The following HCLS1 variants were observed in gnomAD, a reference collection of about 807,000 sequenced individuals.
HCLS1 encodes the protein hematopoietic cell-specific Lyn substrate 1.
In HCLS1, 44 loss-of-function variants were observed where a neutral mutation model predicts 68.6. The observed-to-expected ratio is 0.64, with a 90% confidence interval of 0.50 to 0.82. HCLS1 has a LOEUF of 0.82. Ranked by LOEUF, HCLS1 falls within the 40% of genes least tolerant of loss-of-function variation. HCLS1 has a pLI of 0.00. For missense variants in HCLS1, 602 were observed against 612.1 expected, an observed-to-expected ratio of 0.98 and a Z score of 0.17; for synonymous variants, 217 against 225.8, an observed-to-expected ratio of 0.96 and a Z score of 0.35.
intron 10 of HCLS1, among the ~76,000 whole-genome samples, chr3:121,633,561 G>A (rs1488660761): frequency 6.6e-6 from 1 of 151,240 alleles, no homozygotes; most frequent in Non-Finnish European, 1.5e-5. Context: ...CATTTTTTGA[G>A]ACAGGGTCTC....
intron 4 of HCLS1, among the ~76,000 whole-genome samples, chr3:121,645,252 T>C (rs1193715463): frequency 1.3e-5 from 2 of 152,168 alleles, no homozygotes; most frequent in African/African-American, 4.8e-5. Flanking sequence ...AAGAGCATTG[T>C]GCAGCAGAAC....
At position 121,633,105 on chromosome 3, in the gene HCLS1, G is replaced by C. The variant is rs989603224; in HGVS notation, c.970C>G (p.Pro324Ala). The change falls in exon 11 of 14, where the codon CCA (proline) becomes GCA (alanine). Residue 324 changes from proline to alanine, a missense_variant. Pro to Ala is a conservative substitution (Grantham distance 27). Coordinates refer to ENST00000314583, the MANE Select transcript of HCLS1 (RefSeq NM_005335.6). ...SEPVRTSREH[P>A]VPLLPIRQTL... ...TGCCTAATGGGCAGCAAGGGCACTG[G>C]GTGTTCCCTGCTGGTTCTCACAGGC... The C allele has an allele frequency of 1.2e-6, 2 of 1,613,148 alleles. No individual in the cohort carries two copies. The highest frequency in any genetic ancestry group is 1.7e-6 in the Non-Finnish European group (2 of 1,179,514).
At chr3:121,645,642 C>T (rs1382177354) in intron 4 of HCLS1, among the ~76,000 whole-genome samples, 1 of 151,804 alleles carries the variant, frequency 6.6e-6, no homozygotes, top group African/African-American at 2.4e-5. Context: ...TATCTTGGTT[C>T]TTATTTTCTG....
At chr3:121,657,928 T>A (rs1319818138) in intron 2 of HCLS1, 1 of 270,212 alleles carries the variant, frequency 3.7e-6, no homozygotes, top group African/African-American at 2.2e-5. Context: ...CTCCTACAGC[T>A]TTTTAATCCC....
chr3:121,632,534 AG>A lies in HCLS1; in HGVS notation c.1037del (p.Pro346LeufsTer109). On this transcript the variant is annotated frameshift_variant, in exon 12 of 14. Transcript: ENST00000314583. LOFTEE classifies it high-confidence loss of function. ...EDNEEPPALP[P>X]RTLEGLQVEE... ...CCACCTGGAGGCCTTCCAGAGTCCT[AG>A]GGGGCAGAGCTGGGGGCTCCTCATT... 6.2e-7 allele frequency: 1 copy of A among 1,613,066 alleles called. No individual in the cohort carries two copies. The highest frequency in any genetic ancestry group is 1.1e-5 in the South Asian group (1 of 91,012).
chr3:121,658,253 T>G lies in HCLS1; in HGVS notation c.84+11A>C, dbSNP rs756403060. 1 of 1,610,398 alleles carries G rather than the reference T, an allele frequency of 6.2e-7. No homozygotes were observed. Among genetic ancestry groups the G allele is most frequent in the Non-Finnish European group, 8.5e-7 (1 of 1,176,838 alleles). ...TCTGCACTGTCCAAGCAAAGCTACT[T>G]CCAAACTCACCACAAAGTCAGGATC... is the stretch of plus-strand genomic sequence containing the variant. On this transcript the variant is annotated intron_variant, in intron 2 of 13. Transcript: ENST00000314583.
chr3:121,634,355 C>A lies in HCLS1; in HGVS notation c.755G>T (p.Arg252Leu), dbSNP rs140445778. 3.1e-6 allele frequency: 5 copies of A among 1,614,126 alleles called. No individual in the cohort carries two copies. Among genetic ancestry groups the A allele is most frequent in the Non-Finnish European group, 3.4e-6 (4 of 1,179,972 alleles). Reference sequence around the variant, plus strand: ...CTGCTGTGCCTTCTCCTCTTCCTCTCGCTTCCTCTTCTCCTCAGCCATGGA... The same window carrying A: ...CTGCTGTGCCTTCTCCTCTTCCTCTAGCTTCCTCTTCTCCTCAGCCATGGA... ...FESMAEEKRKREEEEKAQQVA... is the reference protein window; with the variant it reads ...FESMAEEKRKLEEEEKAQQVA... The change falls in exon 10 of 14, where the codon CGA becomes CTA. Residue 252 changes from arginine to leucine, a missense_variant. Transcript: ENST00000314583.
chr3:121,633,653 T>C (rs1032274214), intron 10 of HCLS1, among the ~76,000 whole-genome samples: 3 of 152,194 alleles, frequency 2.0e-5, no homozygotes, highest in African/African-American at 7.2e-5. Flanking sequence ...TCCTCCTCTC[T>C]AAGCCTCCCA....
chr3:121,634,516 G>T, intron 9 of HCLS1, 98 bp from the exon 10 acceptor site: 2 of 1,134,532 alleles, frequency 1.8e-6, no homozygotes, highest in Non-Finnish European at 1.3e-6. Flanking sequence ...TAAATATCCG[G>T]GAGGAGGGAT....
intron 4 of HCLS1, among the ~76,000 whole-genome samples, chr3:121,646,364 T>G (rs61724320): frequency 0.23 from 22,968 of 98,840 alleles, 2,780 homozygotes; most frequent in East Asian, 0.47. Flanking sequence ...TTACATTATA[T>G]TACATATTAT....
Position 121,644,933 on chromosome 3 carries a change from G to T in HCLS1, c.289-5C>A. On this transcript the variant is annotated splice_region_variant and splice_polypyrimidine_tract_variant and intron_variant, in intron 4 of 13. Coordinates refer to ENST00000314583, the MANE Select transcript of HCLS1 (RefSeq NM_005335.6). ...ATACTCATGGCCCACTGCACTCTGA[G>T]AAAAATCAAGGATGGAGTGAGTGAA... 3 of 1,600,856 alleles carry T rather than the reference G, an allele frequency of 1.9e-6. No individual in the cohort carries two copies. The highest frequency in any genetic ancestry group is 2.6e-6 in the Non-Finnish European group (3 of 1,168,014).
chr3:121,639,521 AT>A (rs34089682), intron 6 of HCLS1, among the ~76,000 whole-genome samples: 67,090 of 149,538 alleles, frequency 0.45, 15,489 homozygotes, highest in East Asian at 0.55. Context: ...TAACTGAATG[AT>A]TTTATTTTTT....
At chr3:121,650,887 C>T (rs1274619072) in intron 3 of HCLS1, among the ~76,000 whole-genome samples, 1 of 152,152 alleles carries the variant, frequency 6.6e-6, no homozygotes, top group East Asian at 1.9e-4. Flanking sequence ...CCTGTAATCT[C>T]AGCACTTTGG....
Position 121,637,241 on chromosome 3 carries a change from A to T in HCLS1, c.470T>A (p.Phe157Tyr), listed in dbSNP as rs2049158579. The T allele has an allele frequency of 6.2e-7, 1 of 1,613,234 alleles. No individual in the cohort carries two copies. The highest frequency in any genetic ancestry group is 1.7e-5 in the Admixed American group (1 of 59,976). Residue 157 changes from phenylalanine to tyrosine, a missense_variant, in exon 7 of 14, where the codon TTT (phenylalanine) becomes TAT (tyrosine). Physicochemically the swap from Phe to Tyr is conservative, Grantham distance 22. Transcript: ENST00000314583. ...HTSQKDYSRG[F>Y]GGRYGVEKDK... is the part of the protein sequence containing the mutation. ...CTTCTCCACCCCGTACCGGCCACCA[A>T]AGCCACGAGAGTAATCTGTGGTCGA...
chr3:121,635,740 T>C lies in HCLS1; in HGVS notation c.686A>G (p.Glu229Gly), dbSNP rs746774251. 6.8e-6 allele frequency: 11 copies of C among 1,613,544 alleles called. No individual in the cohort carries two copies. Among genetic ancestry groups the C allele is most frequent in the Non-Finnish European group, 9.3e-6 (11 of 1,179,634 alleles). The change falls in exon 9 of 14, where the codon GAA becomes GGA. Residue 229 changes from glutamate to glycine, a missense_variant. Physicochemically the swap from Glu to Gly is moderately conservative, Grantham distance 98 (BLOSUM62 -2). Transcript: ENST00000314583. ...TTAYKKTTPI[E>G]AASSGTRGLK... ...AGTGAATCACTAAGCCTCACCGGCT[T>C]CTATGGGCGTCGTCTTCTTATAAGC...
intron 3 of HCLS1, chr3:121,655,922 C>T (rs1391093715): frequency 1.3e-5 from 2 of 151,664 alleles, no homozygotes; most frequent in Non-Finnish European, 2.9e-5. Context: ...GATCTCAGCT[C>T]ACTGCAACCT....
At chr3:121,649,415 A>C (rs1937690106) in intron 3 of HCLS1, among the ~76,000 whole-genome samples, 1 of 152,128 alleles carries the variant, frequency 6.6e-6, no homozygotes, top group African/African-American at 2.4e-5. Context: ...TTGTATTTTT[A>C]GTAGAGACAG....
chr3:121,659,539 C>A (rs1486042416), intron 1 of HCLS1, among the ~76,000 whole-genome samples: 2 of 152,206 alleles, frequency 1.3e-5, no homozygotes, highest in Non-Finnish European at 2.9e-5. Flanking sequence ...AAAGCTCCAT[C>A]TTCTCCATTG....
At chr3:121,640,812 G>C (rs193090812) in intron 6 of HCLS1, among the ~76,000 whole-genome samples, 12 of 71,004 alleles carry the variant, frequency 1.7e-4, no homozygotes, top group South Asian at 6.0e-4. Flanking sequence ...GAGGGGAGGG[G>C]AGGGCAGGGG....
Sources: allele counts gnomAD v4.1 joint callset (sites outside exome capture counted in the v4.1 genomes callset), GRCh38; gene constraint gnomAD v4.1.1; transcripts MANE v1.5; gene names NCBI Gene and HGNC (gene_info 2026-07-23, HGNC 2026-07-21).